TRPM3: variants seen among roughly 807,000 people sequenced by gnomAD.
The protein encoded by TRPM3 is transient receptor potential cation channel subfamily M member 3, also known as long transient receptor potential channel 3.
In TRPM3, 77 loss-of-function variants were observed where a neutral mutation model predicts 181.2. That is an observed-to-expected ratio of 0.42 (90% CI 0.35 to 0.51). The LOEUF (loss-of-function observed/expected upper bound fraction) is 0.51, where lower values mean the gene tolerates loss of function less well. Among genes scored for constraint, TRPM3 ranks in the 20% least tolerant of loss-of-function variants. TRPM3 has a pLI of 0.01. For missense variants in TRPM3, 1,759 were observed against 2,196.7 expected (o/e 0.80, Z 3.98); for synonymous variants, 745 against 796.4 (o/e 0.94, Z 1.09).
intron 3 of TRPM3, among the ~76,000 whole-genome samples, chr9:70,852,705 A>T (rs2095273018): frequency 6.6e-6 from 1 of 151,792 alleles, no homozygotes; most frequent in South Asian, 2.1e-4. Context: ...TCAGATGTAA[A>T]CTCCCCATTC....
At chr9:71,100,720 G>T (rs1003230618) in intron 1 of TRPM3, among the ~76,000 whole-genome samples, 1 of 152,106 alleles carries the variant, frequency 6.6e-6, no homozygotes, top group Non-Finnish European at 1.5e-5. Context: ...CTTTGAAGAT[G>T]AAGTTCACTC....
At chr9:70,968,024 C>T (rs1169663267) in intron 1 of TRPM3, among the ~76,000 whole-genome samples, 1 of 152,058 alleles carries the variant, frequency 6.6e-6, no homozygotes, top group African/African-American at 2.4e-5. Context: ...CCATCCAAGT[C>T]CTGGGTCCTT....
intron 7 of TRPM3, among the ~76,000 whole-genome samples, chr9:70,780,344 T>G (rs2082206802): frequency 1.3e-5 from 2 of 152,190 alleles, no homozygotes; most frequent in African/African-American, 2.4e-5. Flanking sequence ...AAAGGTTTCA[T>G]AAACAGGATG....
At chr9:70,580,644 G>GA (rs2055403966) in intron 22 of TRPM3, among the ~76,000 whole-genome samples, 1 of 152,176 alleles carries the variant, frequency 6.6e-6, no homozygotes, top group Non-Finnish European at 1.5e-5. Context: ...GGCATGCTCT[G>GA]TCATGCCTCT....
chr9:70,994,126 T>A (rs1168103481), intron 1 of TRPM3, among the ~76,000 whole-genome samples: 2 of 152,184 alleles, frequency 1.3e-5, no homozygotes, highest in African/African-American at 4.8e-5. Flanking sequence ...AAATAAATAG[T>A]CATGGAGGTC....
chr9:70,741,514 G>C (rs1180746034), intron 8 of TRPM3, among the ~76,000 whole-genome samples: 1 of 152,094 alleles, frequency 6.6e-6, no homozygotes, highest in Non-Finnish European at 1.5e-5. Context: ...AAAGATACCT[G>C]CACATGCATC....
At chr9:71,003,202 A>AAC (rs764963861) in intron 1 of TRPM3, among the ~76,000 whole-genome samples, 3 of 141,050 alleles carry the variant, frequency 2.1e-5, no homozygotes, top group East Asian at 2.2e-4. Context: ...TTAAAAAAAA[A>AAC]AAAAAAAAAC....
chr9:71,411,130 A>C (rs1588904862), intron 1 of TRPM3, among the ~76,000 whole-genome samples: 1 of 152,308 alleles, frequency 6.6e-6, no homozygotes, highest in South Asian at 2.1e-4. Flanking sequence ...TCTATGACAA[A>C]CCCACAGCCA....
At position 71,076,098 on chromosome 9, in the gene TRPM3, G is replaced by C. The variant is rs187130795; in HGVS notation, c.177+45080C>G. The stretch of plus-strand genomic sequence containing the variant: ...AATGAAGAATGATTAGAATGTGCGG[G>C]GGAGGGGGAACAAAAAGACATAACT... On this transcript the variant is annotated intron_variant, in intron 1 of 25. Coordinates refer to ENST00000677713, the MANE Select transcript of TRPM3 (RefSeq NM_001366145.2). Among the ~76,000 whole-genome samples, 433 of 152,268 alleles carry C rather than the reference G, an allele frequency of 2.8e-3. 2 individuals are homozygous for C. Among genetic ancestry groups the C allele is most frequent in the African/African-American group, 9.9e-3 (413 of 41,560 alleles).
Position 70,535,325 on chromosome 9 carries a change from G to A in TRPM3, c.*628C>T. The A allele has an allele frequency of 1.5e-6, 2 of 1,291,662 alleles. No individual in the cohort carries two copies. The highest frequency in any genetic ancestry group is 2.2e-6 in the Non-Finnish European group (2 of 917,886). The allele number at this position is 1,291,662 out of a possible 1,614,324, so 80.0% of individuals were successfully genotyped here. A position where few individuals can be genotyped will look rare whatever the true frequency, so the allele number is the denominator to read the frequency against. On this transcript the variant is annotated 3_prime_UTR_variant, in exon 26 of 26. Coordinates refer to ENST00000677713, the MANE Select transcript of TRPM3 (RefSeq NM_001366145.2). ...ACCAGAAGTGAATAGATAAGAGACA[G>A]GTGAACTATGACTGTTACCTTGTTT...
At chr9:71,378,190 A>C (rs2092711114) in intron 1 of TRPM3, among the ~76,000 whole-genome samples, 1 of 152,146 alleles carries the variant, frequency 6.6e-6, no homozygotes, top group Non-Finnish European at 1.5e-5. Context: ...ATACGCAAAT[A>C]GTCAAACAGA....
chr9:71,425,618 A>C (rs2093849683), intron 1 of TRPM3, among the ~76,000 whole-genome samples: 1 of 151,916 alleles, frequency 6.6e-6, no homozygotes, highest in South Asian at 2.1e-4. Context: ...CCCCCACAAT[A>C]ACCTCTCACT....
chr9:70,917,637 G>A lies in TRPM3; in HGVS notation c.178-53126C>T, dbSNP rs1272694348. On this transcript the variant is annotated intron_variant, in intron 1 of 25. Coordinates refer to ENST00000677713, the MANE Select transcript of TRPM3 (RefSeq NM_001366145.2). ...TTATGGTAGCCTCAAATCCAAAACAGAGTAAATACACAAAAATAAAAAGCA... is the reference window on the plus strand; with the variant it reads ...TTATGGTAGCCTCAAATCCAAAACAAAGTAAATACACAAAAATAAAAAGCA... 3 of 424,566 alleles carry A rather than the reference G, an allele frequency of 7.1e-6. No homozygotes were observed. In the East Asian group the frequency reaches 9.1e-5, roughly 13 times the overall value. 26.3% of individuals were successfully genotyped at this position (424,566 alleles called of 1,614,324 possible).
intron 1 of TRPM3, among the ~76,000 whole-genome samples, chr9:71,262,445 G>A (rs989615619): frequency 2.6e-5 from 4 of 152,194 alleles, no homozygotes; most frequent in African/African-American, 9.6e-5. Flanking sequence ...ATCTTAGCTT[G>A]CTGGGCTCTG....
At chr9:70,901,770 G>A (rs757735517) in intron 1 of TRPM3, among the ~76,000 whole-genome samples, 1 of 152,134 alleles carries the variant, frequency 6.6e-6, no homozygotes, top group Non-Finnish European at 1.5e-5. Flanking sequence ...AGAATAGAAA[G>A]GAGGCAGATT....
At chr9:71,198,967 G>T (rs1034788521) in intron 1 of TRPM3, among the ~76,000 whole-genome samples, 8 of 123,738 alleles carry the variant, frequency 6.5e-5, no homozygotes, top group African/African-American at 2.2e-4. Flanking sequence ...CAAAGGGAAT[G>T]CTTCCAGTTT....
chr9:71,430,980 T>C (rs1361138099), intron 1 of TRPM3, among the ~76,000 whole-genome samples: 1 of 152,222 alleles, frequency 6.6e-6, no homozygotes, highest in African/African-American at 2.4e-5. Flanking sequence ...CTCTTATGAC[T>C]GAGTACAGTG....
chr9:71,231,329 C>A (rs911865029), intron 1 of TRPM3, among the ~76,000 whole-genome samples: 1 of 151,956 alleles, frequency 6.6e-6, no homozygotes, highest in Non-Finnish European at 1.5e-5. Flanking sequence ...ACAATGGAAG[C>A]AAAGGGTAAA....
chr9:71,367,623 C>T (rs994430261), intron 1 of TRPM3, among the ~76,000 whole-genome samples: 2 of 152,060 alleles, frequency 1.3e-5, no homozygotes, highest in African/African-American at 4.8e-5. Flanking sequence ...TGTTTTCTCA[C>T]CTAAAAAGAT....
Sources: gnomAD v4.1 joint callset for allele counts (sites outside exome capture counted in the v4.1 genomes callset) on GRCh38, gnomAD v4.1.1 for gene constraint, MANE v1.5 for transcripts, NCBI Gene and HGNC (gene_info 2026-07-23, HGNC 2026-07-21) for gene names.